The following DNAI7 variants were observed in gnomAD, a reference collection of about 807,000 sequenced individuals.
DNAI7 encodes the protein dynein axonemal intermediate chain 7.
In DNAI7, 78 loss-of-function variants were observed where a neutral mutation model predicts 86.6. The ratio of observed to expected loss-of-function variants is 0.90; its 90% CI spans 0.75 to 1.09. The LOEUF is 1.09. Among genes scored for constraint, DNAI7 ranks in the 50% least tolerant of loss-of-function variants. The pLI, the probability that DNAI7 is intolerant of heterozygous loss-of-function variation, is 0.00. For synonymous variants in DNAI7, 274 were observed against 273.0 expected (o/e 1.00, Z -0.04); for missense variants, 753 against 810.2 (o/e 0.93, Z 0.86).
chr12:25,113,579 C>T (rs928891914), intron 13 of DNAI7, among the ~76,000 whole-genome samples: 1 of 152,218 alleles, frequency 6.6e-6, no homozygotes, highest in African/African-American at 2.4e-5. Flanking sequence ...GGATTACAGG[C>T]GTGAGCCACC....
chr12:25,161,076 C>A lies in DNAI7; in HGVS notation c.106+37G>T, dbSNP rs149240314. ...AAAGACCAACCTATCGTGACTATTA[C>A]CTGTATAGGTAAATAGTATCACTAT... On this transcript the variant is annotated intron_variant, in intron 3 of 15. Transcript: ENST00000395987. 2.0e-6 allele frequency: 3 copies of A among 1,464,286 alleles called. No homozygotes were observed. In the East Asian group the frequency reaches 6.8e-5, roughly 33 times the overall value. The allele number at this position is 1,464,286 out of a possible 1,614,324, so 90.7% of individuals were successfully genotyped here. A position where few individuals can be genotyped will look rare whatever the true frequency, so the allele number is the denominator to read the frequency against.
chr12:25,160,222 T>C (rs1946685655), intron 3 of DNAI7, among the ~76,000 whole-genome samples: 1 of 152,102 alleles, frequency 6.6e-6, no homozygotes, highest in African/African-American at 2.4e-5. Flanking sequence ...CAAGATAGGG[T>C]TACCAGAATT....
At chr12:25,152,275 G>C (rs920173446) in intron 6 of DNAI7, among the ~76,000 whole-genome samples, 1 of 152,230 alleles carries the variant, frequency 6.6e-6, no homozygotes, top group Non-Finnish European at 1.5e-5. Flanking sequence ...CCAACCATGT[G>C]ATTAGAGGGC....
intron 3 of DNAI7, 192 bp from the exon 4 acceptor site, chr12:25,158,755 A>G: frequency 7.3e-7 from 1 of 1,372,474 alleles, no homozygotes. Flanking sequence ...AAAAAATCAA[A>G]CAACCCCATC....
At chr12:25,166,335 C>G (rs1046996052) in intron 2 of DNAI7, among the ~76,000 whole-genome samples, 5 of 152,082 alleles carry the variant, frequency 3.3e-5, no homozygotes, top group Non-Finnish European at 5.9e-5. Context: ...GGTGCCAAAC[C>G]CATACACTCT....
intron 2 of DNAI7, among the ~76,000 whole-genome samples, chr12:25,180,079 C>T (rs975068659): frequency 9.2e-5 from 14 of 152,154 alleles, no homozygotes; most frequent in South Asian, 2.1e-4. Context: ...ACCTGATAAA[C>T]GACTTCAGTA....
chr12:25,186,557 T>C (rs1950055016), intron 2 of DNAI7, among the ~76,000 whole-genome samples: 1 of 152,196 alleles, frequency 6.6e-6, no homozygotes, highest in Admixed American at 6.5e-5. Context: ...GTACTTCTAA[T>C]GACACATTTC....
chr12:25,122,512 T>C (rs1941479850), intron 10 of DNAI7, among the ~76,000 whole-genome samples: 1 of 148,970 alleles, frequency 6.7e-6, no homozygotes, highest in African/African-American at 2.5e-5. Context: ...GTTTAAGGCC[T>C]GTTATGAAAA....
intron 15 of DNAI7, among the ~76,000 whole-genome samples, chr12:25,109,480 G>A (rs913559232): frequency 7.2e-5 from 11 of 151,978 alleles, no homozygotes; most frequent in African/African-American, 2.7e-4. Flanking sequence ...TCAAATTCCT[G>A]GGCTCAAGCG....
At chr12:25,136,485 T>C (rs189355768) in intron 9 of DNAI7, among the ~76,000 whole-genome samples, 48 of 152,230 alleles carry the variant, frequency 3.2e-4, no homozygotes, top group African/African-American at 1.1e-3. Context: ...ATTCTGGTAA[T>C]ATGAAAAGAC....
intron 5 of DNAI7, 144 bp downstream of exon 5, chr12:25,155,167 A>G: frequency 2.0e-6 from 1 of 493,130 alleles, no homozygotes; most frequent in Non-Finnish European, 3.6e-6. Flanking sequence ...ATGTTAGTTT[A>G]CTTTGCCATA....
At chr12:25,193,953 C>T (rs1431366776) in intron 1 of DNAI7, among the ~76,000 whole-genome samples, 5 of 152,132 alleles carry the variant, frequency 3.3e-5, no homozygotes, top group South Asian at 4.1e-4. Flanking sequence ...CCCTGAGTAG[C>T]TGGAATTACA....
intron 9 of DNAI7, among the ~76,000 whole-genome samples, chr12:25,132,867 G>A (rs1207195834): frequency 7.1e-6 from 1 of 141,064 alleles, no homozygotes; most frequent in Non-Finnish European, 1.5e-5. Context: ...TCACTGATGT[G>A]TACAAATTCT....
intron 3 of DNAI7, among the ~76,000 whole-genome samples, chr12:25,158,980 T>C (rs559172138): frequency 6.6e-6 from 1 of 152,214 alleles, no homozygotes; most frequent in Non-Finnish European, 1.5e-5. Flanking sequence ...GGAACACTAA[T>C]GTTGATGAGA....
intron 4 of DNAI7, among the ~76,000 whole-genome samples, chr12:25,157,138 C>T (rs1442046013): frequency 6.6e-6 from 1 of 151,940 alleles, no homozygotes; most frequent in Non-Finnish European, 1.5e-5. Flanking sequence ...ATTAGCCAGG[C>T]GCAGTGGCGG....
chr12:25,136,816 CA>C (rs1226866693), intron 9 of DNAI7, among the ~76,000 whole-genome samples: 1 of 152,018 alleles, frequency 6.6e-6, no homozygotes, highest in Admixed American at 6.6e-5. Context: ...GAAAGAACTT[CA>C]AAGCTTGAAG....
In DNAI7 at chr12:25,178,630, A is replaced by C. The variant is rs558172964; in HGVS notation, c.21+11984T>G. The stretch of plus-strand genomic sequence containing the variant: ...ACTTACAATTCAAATGTAAACAGGA[A>C]GGCAAAAACAATATACTAAAATTTA... On this transcript the variant is annotated intron_variant, in intron 2 of 15. Transcript: ENST00000395987. Among the ~76,000 whole-genome samples, 41 of 152,320 alleles carry C rather than the reference A, an allele frequency of 2.7e-4. 1 individual carries two copies. In the South Asian group the frequency reaches 8.5e-3, roughly 32 times the overall value.
chr12:25,165,953 G>A (rs569552952), intron 2 of DNAI7, among the ~76,000 whole-genome samples: 11 of 152,074 alleles, frequency 7.2e-5, no homozygotes, highest in African/African-American at 2.7e-4. Flanking sequence ...CTATTCCTGG[G>A]CTACAGCCAC....
In DNAI7 at chr12:25,161,213, A is replaced by G. The variant is rs779521978; in HGVS notation, c.22-16T>C. On this transcript the variant is annotated splice_polypyrimidine_tract_variant and intron_variant, in intron 2 of 15. Transcript: ENST00000395987. ...TACTGCCAGACTTAACAAAGGCCACATCATAAAAAAGGCTATTAACATGCA... is the reference window on the plus strand; with the variant it reads ...TACTGCCAGACTTAACAAAGGCCACGTCATAAAAAAGGCTATTAACATGCA... 6.2e-7 allele frequency: 1 copy of G among 1,607,478 alleles called. No homozygotes were observed. Among genetic ancestry groups the G allele is most frequent in the South Asian group, 1.1e-5 (1 of 90,774 alleles).
Sources: gnomAD v4.1 joint callset for allele counts (sites outside exome capture counted in the v4.1 genomes callset) on GRCh38, gnomAD v4.1.1 for gene constraint, MANE v1.5 for transcripts, NCBI Gene and HGNC (gene_info 2026-07-23, HGNC 2026-07-21) for gene names.